KIFAP3: variants seen among roughly 807,000 people sequenced by gnomAD.
KIFAP3 encodes kinesin associated protein 3, also known as kinesin-associated protein 3.
In KIFAP3, 68 loss-of-function variants were observed where a neutral mutation model predicts 106.5. The ratio of observed to expected loss-of-function variants is 0.64; its 90% CI spans 0.53 to 0.78. KIFAP3 has a LOEUF of 0.78. Ranked by LOEUF, KIFAP3 falls within the 30% of genes least tolerant of loss-of-function variation. KIFAP3 has a pLI of 0.00. For synonymous variants in KIFAP3, 320 were observed against 311.5 expected (o/e 1.03, Z -0.29); for missense variants, 780 against 941.8 (o/e 0.83, Z 2.25).
At chr1:169,960,823 T>G (rs541711) in intron 18 of KIFAP3, among the ~76,000 whole-genome samples, 142,227 of 152,096 alleles carry the variant, frequency 0.94, 66,593 homozygotes, top group East Asian at 0.99. Flanking sequence ...TAATTTTCCT[T>G]GCTACAGCGT....
intron 19 of KIFAP3, among the ~76,000 whole-genome samples, chr1:169,941,918 T>A (rs1377021896): frequency 6.6e-6 from 1 of 152,236 alleles, no homozygotes; most frequent in Non-Finnish European, 1.5e-5. Context: ...CATATTAATG[T>A]ATAAAATTCA....
chr1:170,055,664 C>A (rs1287120683), intron 1 of KIFAP3, among the ~76,000 whole-genome samples: 1 of 151,758 alleles, frequency 6.6e-6, no homozygotes, highest in Admixed American at 6.6e-5. Context: ...CTTTGTCATG[C>A]ATAAAGTATC....
At chr1:170,014,854 T>C (rs1051019634) in intron 10 of KIFAP3, among the ~76,000 whole-genome samples, 22 of 152,146 alleles carry the variant, frequency 1.4e-4, no homozygotes, top group African/African-American at 5.1e-4. Flanking sequence ...TAAGAAAATG[T>C]GTCAGGTACT....
chr1:170,011,858 G>A (rs561906428), intron 10 of KIFAP3, among the ~76,000 whole-genome samples: 1 of 152,118 alleles, frequency 6.6e-6, no homozygotes, highest in South Asian at 2.1e-4. Context: ...TGATTTAATT[G>A]TCTACACATG....
rs200186560 is a variant in KIFAP3 at position 170,016,490 on chromosome 1, T to C, written c.1155A>G (p.Gly385=). ...GGAGTGCAGTGAGCTTGGGAAGCAG[T>C]CCAACTTGTACCATCTTATTCCTCA... ...TGLRNKMVQV[G]LLPKLTALLG... Residue 385 remains glycine, a synonymous_variant, in exon 10 of 20, where the codon GGA becomes GGG. Coordinates refer to ENST00000361580, the MANE Select transcript of KIFAP3 (RefSeq NM_014970.4). The C allele has an allele frequency of 2.2e-5, 36 of 1,606,932 alleles. No homozygotes were observed. The highest frequency in any genetic ancestry group is 2.6e-5 in the Non-Finnish European group (31 of 1,177,250).
At position 169,952,509 on chromosome 1, in the gene KIFAP3, G is replaced by T. The variant is rs1381706991; in HGVS notation, c.2273+1502C>A. 7.2e-5 allele frequency among the ~76,000 whole-genome samples: 11 copies of T among 152,104 alleles called. No homozygotes were observed. In the East Asian group the frequency reaches 2.1e-3, roughly 29 times the overall value. On this transcript the variant is annotated intron_variant, in intron 19 of 19. Coordinates refer to ENST00000361580, the MANE Select transcript of KIFAP3 (RefSeq NM_014970.4). Reference sequence around the variant, plus strand: ...TGTATATAAACAAATATGTATGTATGCATTAAGTTCAAATATGAAAGGTAT... The same window carrying T: ...TGTATATAAACAAATATGTATGTATTCATTAAGTTCAAATATGAAAGGTAT...
At chr1:169,954,837 T>A (rs1171165645) in intron 18 of KIFAP3, among the ~76,000 whole-genome samples, 1 of 152,202 alleles carries the variant, frequency 6.6e-6, no homozygotes, top group Non-Finnish European at 1.5e-5. Context: ...AGTATGCTTA[T>A]TATTCTTTGC....
intron 19 of KIFAP3, among the ~76,000 whole-genome samples, chr1:169,926,327 A>G (rs192877123): frequency 4.6e-5 from 7 of 152,280 alleles, no homozygotes; most frequent in Non-Finnish European, 2.9e-5. Flanking sequence ...GCCTCATTAC[A>G]TGGTCTCTAA....
Position 169,968,897 on chromosome 1 carries a change from T to C in KIFAP3, c.1983+3616A>G, listed in dbSNP as rs1051419319. Among the ~76,000 whole-genome samples the C allele has an allele frequency of 2.3e-4, 35 of 152,030 alleles. 1 individual carries two copies. In the East Asian group the frequency reaches 6.6e-3, roughly 29 times the overall value. On this transcript the variant is annotated intron_variant, in intron 17 of 19. Transcript: ENST00000361580. The stretch of plus-strand genomic sequence containing the variant: ...ACATTTATGTATAAAATTATGTGTG[T>C]ATATGCTTAAATTCTAACAAGTTGG...
intron 10 of KIFAP3, among the ~76,000 whole-genome samples, chr1:169,994,436 T>G (rs796907215): frequency 8.5e-5 from 13 of 152,342 alleles, no homozygotes; most frequent in African/African-American, 3.1e-4. Context: ...ATGAGGGAAT[T>G]AAACATGTTT....
intron 1 of KIFAP3, among the ~76,000 whole-genome samples, chr1:170,082,626 T>G: frequency 6.6e-6 from 1 of 152,214 alleles, no homozygotes; most frequent in South Asian, 2.1e-4. Flanking sequence ...TTTTAAAAGA[T>G]ATAATGAGCA....
At chr1:169,991,778 T>C (rs1224580276) in intron 11 of KIFAP3, among the ~76,000 whole-genome samples, 1 of 152,132 alleles carries the variant, frequency 6.6e-6, no homozygotes, top group Non-Finnish European at 1.5e-5. Context: ...ATTTAAATTA[T>C]GTTACATCCA....
upstream of KIFAP3, among the ~76,000 whole-genome samples, chr1:170,075,558 T>G (rs1309241208): frequency 6.6e-6 from 1 of 152,228 alleles, no homozygotes; most frequent in Non-Finnish European, 1.5e-5. Flanking sequence ...TTGATGCAAT[T>G]ATTGATTATC....
chr1:169,942,910 G>GCCCCCC (rs11396543), intron 19 of KIFAP3, among the ~76,000 whole-genome samples: 2 of 105,806 alleles, frequency 1.9e-5, no homozygotes, highest in African/African-American at 3.5e-5. Flanking sequence ...TTTTAAAGAC[G>GCCCCCC]CCCCCCCCCA....
intron 3 of KIFAP3, among the ~76,000 whole-genome samples, chr1:170,044,227 T>C (rs114398000): frequency 8.5e-4 from 129 of 152,330 alleles, no homozygotes; most frequent in African/African-American, 2.9e-3. Context: ...AAAATGGATA[T>C]TGTATCTGAC....
intron 14 of KIFAP3, 123 bp from the exon 15 acceptor site, chr1:169,982,220 T>G: frequency 9.9e-7 from 1 of 1,007,394 alleles, no homozygotes; most frequent in Non-Finnish European, 1.5e-6. Flanking sequence ...ATATGAATCC[T>G]TGATATGCTA....
In KIFAP3 at chr1:169,921,738, G is replaced by A. The variant is rs184581509; in HGVS notation, c.2317C>T (p.Arg773Cys). The change falls in exon 20 of 20, where the codon CGC becomes TGC. Residue 773 changes from arginine to cysteine, a missense_variant. Physicochemically the swap from Arg to Cys is radical, Grantham distance 180. Coordinates refer to ENST00000361580, the MANE Select transcript of KIFAP3 (RefSeq NM_014970.4). ...CGGAATCCATATGCTGTGGCAGGGC[G>A]TCCAAGAATGCCAACTGGTTGGCCA... The part of the protein sequence containing the change: ...GFGQPVGILG[R>C]PATAYGFRPD... The A allele has an allele frequency of 9.6e-5, 155 of 1,613,684 alleles. 1 individual carries two copies. The highest frequency in any genetic ancestry group is 6.6e-5 in the Non-Finnish European group (78 of 1,179,790).
At chr1:170,083,598 A>C (rs968114085) in intron 1 of KIFAP3, among the ~76,000 whole-genome samples, 13 of 152,226 alleles carry the variant, frequency 8.5e-5, no homozygotes, top group African/African-American at 2.9e-4. Flanking sequence ...GCATACATAA[A>C]TTTGTACCAG....
In KIFAP3 at chr1:170,012,546, T is replaced by C. The variant is rs111808130; in HGVS notation, c.1183+3916A>G. ...CTTTAGAAAACAAAGATGTAATTGA[T>C]TTTTAAAAGACATTCTGCTATAAAC... is the stretch of plus-strand genomic sequence containing the variant. On this transcript the variant is annotated intron_variant, in intron 10 of 19. Coordinates refer to ENST00000361580, the MANE Select transcript of KIFAP3 (RefSeq NM_014970.4). Among the ~76,000 whole-genome samples the C allele has an allele frequency of 8.0e-3, 1,212 of 152,230 alleles. 13 individuals carry two copies. Among genetic ancestry groups the C allele is most frequent in the African/African-American group, 0.028 (1,156 of 41,558 alleles).
Sources: allele counts gnomAD v4.1 joint callset (sites outside exome capture counted in the v4.1 genomes callset), GRCh38; gene constraint gnomAD v4.1.1; transcripts MANE v1.5; gene names NCBI Gene and HGNC (gene_info 2026-07-23, HGNC 2026-07-21).